Variants in PDE12 observed in about 807,000 individuals in gnomAD.
PDE12 encodes the protein 2',5'-phosphodiesterase 12.
A neutral mutation model predicts 45.4 loss-of-function variants in PDE12; 26 were observed. The ratio of observed to expected loss-of-function variants is 0.57; its 90% confidence interval spans 0.42 to 0.79. The LOEUF (loss-of-function observed/expected upper bound fraction) is 0.79, where lower values mean the gene tolerates loss of function less well. PDE12 is among the 30% of genes least tolerant of loss of function. PDE12 has a pLI of 0.00. For synonymous variants in PDE12, 283 were observed against 323.9 expected (o/e 0.87, Z 1.36); for missense variants, 668 against 790.0 (o/e 0.85, Z 1.85).
At chr3:57,646,227 C>T in the PDE12 span, 1 of 1,499,530 alleles carries the variant, frequency 6.7e-7, no homozygotes. Context: ...AAAAATACGA[C>T]AGGTGGGAAG....
At chr3:57,620,402 T>C in the PDE12 span, among the ~76,000 whole-genome samples, 2 of 151,972 alleles carry the variant, frequency 1.3e-5, no homozygotes, top group Non-Finnish European at 2.9e-5. Context: ...AAAAAGGTTT[T>C]AAAAAAGAAA....
At chr3:57,627,973 A>C in the PDE12 span, 1 of 416,026 alleles carries the variant, frequency 2.4e-6, no homozygotes, top group African/African-American at 2.0e-5. Context: ...GAACATGATT[A>C]AAAATATAGA....
chr3:57,650,051 C>T, the PDE12 span, among the ~76,000 whole-genome samples: 1 of 151,938 alleles, frequency 6.6e-6, no homozygotes, highest in Admixed American at 6.6e-5. Context: ...GAAAACCAAA[C>T]ATCATATGTT....
chr3:57,562,609 C>T lies in PDE12; in HGVS notation c.*2605C>T, dbSNP rs920819828. The T allele has an allele frequency of 3.3e-5, 5 of 152,100 alleles. No homozygotes were observed. Among genetic ancestry groups the T allele is most frequent in the Admixed American group, 6.6e-5 (1 of 15,266 alleles). 9.4% of individuals were successfully genotyped at this position (152,100 alleles called of 1,614,324 possible). On this transcript the variant is annotated 3_prime_UTR_variant, in exon 3 of 3. Coordinates refer to ENST00000311180, the MANE Select transcript of PDE12 (RefSeq NM_177966.7). ...TTTTAAGAAAACATGGGAAATCTAG[C>T]GACTTTCTATGGTAAACCACATTTT...
At chr3:57,589,680 G>C in the PDE12 span, among the ~76,000 whole-genome samples, 1 of 150,586 alleles carries the variant, frequency 6.6e-6, no homozygotes, top group South Asian at 2.1e-4. Context: ...ACCGCGCCAC[G>C]GCACTCCAGC....
At chr3:57,585,925 G>A in the PDE12 span, among the ~76,000 whole-genome samples, 1 of 152,126 alleles carries the variant, frequency 6.6e-6, no homozygotes, top group Non-Finnish European at 1.5e-5. Flanking sequence ...GCCTCTCAAA[G>A]TGCTGTGATT....
chr3:57,619,869 C>A, the PDE12 span, among the ~76,000 whole-genome samples: 5 of 150,878 alleles, frequency 3.3e-5, no homozygotes, highest in Non-Finnish European at 5.9e-5. Context: ...ATAAATAAAT[C>A]AAATAAAAAA....
At chr3:57,566,957 G>T (rs111590028), downstream of PDE12, 1 of 152,038 alleles carries the variant, frequency 6.6e-6, no homozygotes, top group African/African-American at 2.4e-5. Context: ...CCAAAATCTG[G>T]TGAGTTCCCA....
the PDE12 span, among the ~76,000 whole-genome samples, chr3:57,624,182 G>A: frequency 6.7e-5 from 10 of 150,188 alleles, no homozygotes; most frequent in Non-Finnish European, 1.0e-4. Context: ...GCGGAGTCTC[G>A]CTCTGTCGCC....
At chr3:57,651,094 G>C in the PDE12 span, among the ~76,000 whole-genome samples, 4 of 152,008 alleles carry the variant, frequency 2.6e-5, no homozygotes, top group African/African-American at 7.2e-5. Context: ...CATCCACATG[G>C]AATATTATTC....
chr3:57,646,054 C>T, the PDE12 span, among the ~76,000 whole-genome samples: 15 of 152,314 alleles, frequency 9.8e-5, no homozygotes, highest in South Asian at 2.1e-4. Context: ...TATCAAGGAA[C>T]AACTTCATGT....
At chr3:57,638,844 T>A in the PDE12 span, among the ~76,000 whole-genome samples, 1 of 152,270 alleles carries the variant, frequency 6.6e-6, no homozygotes, top group African/African-American at 2.4e-5. Flanking sequence ...GGCTCCCACC[T>A]GTAATCCCAA....
the PDE12 span, chr3:57,654,487 T>A: frequency 2.7e-6 from 1 of 370,028 alleles, no homozygotes. Flanking sequence ...CAAGTCACAA[T>A]AGGGAACAGG....
At chr3:57,584,249 C>G in the PDE12 span, 3 of 917,650 alleles carry the variant, frequency 3.3e-6, no homozygotes, top group Non-Finnish European at 5.1e-6. Context: ...AGGCATGAGC[C>G]ACCACACCCG....
At chr3:57,599,225 T>C in the PDE12 span, among the ~76,000 whole-genome samples, 5 of 152,090 alleles carry the variant, frequency 3.3e-5, no homozygotes, top group Non-Finnish European at 5.9e-5. Context: ...AAGAGACAAA[T>C]GGTTGCATTC....
the PDE12 span, among the ~76,000 whole-genome samples, chr3:57,642,074 G>A: frequency 1.3e-5 from 2 of 152,040 alleles, no homozygotes; most frequent in Non-Finnish European, 2.9e-5. Context: ...CAGCACTTTC[G>A]GAGGCTGAGG....
At chr3:57,587,542 C>T in the PDE12 span, among the ~76,000 whole-genome samples, 18 of 151,582 alleles carry the variant, frequency 1.2e-4, no homozygotes, top group African/African-American at 4.1e-4. Flanking sequence ...ACCCAAAAAT[C>T]ATGTATTACT....
the PDE12 span, among the ~76,000 whole-genome samples, chr3:57,613,153 T>G: frequency 1.4e-5 from 2 of 147,890 alleles, no homozygotes; most frequent in African/African-American, 5.0e-5. Context: ...GCTAATTTTT[T>G]GTATTTTAGT....
At chr3:57,601,926 T>G in the PDE12 span, among the ~76,000 whole-genome samples, 6 of 150,492 alleles carry the variant, frequency 4.0e-5, no homozygotes, top group Non-Finnish European at 8.9e-5. Flanking sequence ...TTTTTTTTTT[T>G]GTATTTTTAG....
Sources: allele counts gnomAD v4.1 joint callset (sites outside exome capture counted in the v4.1 genomes callset), GRCh38; gene constraint gnomAD v4.1.1; transcripts MANE v1.5; gene names NCBI Gene and HGNC (gene_info 2026-07-23, HGNC 2026-07-21).